Variants in RBFOX1 observed in about 807,000 individuals in gnomAD.
RBFOX1 encodes RNA binding fox-1 homolog 1.
RBFOX1 carries 8 observed loss-of-function variants against 57.7 expected under a neutral mutation model. The ratio of observed to expected loss-of-function variants is 0.14; its 90% CI spans 0.08 to 0.25. RBFOX1 has a LOEUF of 0.25. RBFOX1 is among the 10% of genes least tolerant of loss of function. RBFOX1 has a pLI of 1.00. For synonymous variants in RBFOX1, 326 were observed against 222.4 expected, an observed-to-expected ratio of 1.47 and a Z score of -4.15; for missense variants, 611 against 548.5, an observed-to-expected ratio of 1.11 and a Z score of -1.14.
chr16:6,295,983 G>C (rs6500770), intron 1 of RBFOX1, among the ~76,000 whole-genome samples: 92,985 of 152,034 alleles, frequency 0.61, 29,647 homozygotes, highest in East Asian at 0.81. Context: ...TAGAGGGCAG[G>C]AATGGAATAA....
chr16:7,603,641 A>T (rs917368526), intron 9 of RBFOX1, among the ~76,000 whole-genome samples: 3 of 152,152 alleles, frequency 2.0e-5, no homozygotes, highest in Non-Finnish European at 4.4e-5. Flanking sequence ...GGAGAAGTGG[A>T]TACAAAGAGA....
chr16:7,288,949 G>A (rs1355079083), intron 4 of RBFOX1, among the ~76,000 whole-genome samples: 1 of 152,216 alleles, frequency 6.6e-6, no homozygotes, highest in African/African-American at 2.4e-5. Context: ...CTGGTGAGAG[G>A]CAGGGGTTGG....
chr16:7,612,055 C>T (rs1222792235), intron 10 of RBFOX1, among the ~76,000 whole-genome samples: 1 of 152,028 alleles, frequency 6.6e-6, no homozygotes, highest in Non-Finnish European at 1.5e-5. Context: ...GGCGCGGTGG[C>T]TCACGCCTGT....
At chr16:6,570,836 T>C (rs922391949) in intron 2 of RBFOX1, among the ~76,000 whole-genome samples, 2 of 152,226 alleles carry the variant, frequency 1.3e-5, no homozygotes, top group Non-Finnish European at 2.9e-5. Flanking sequence ...CAATTAACTT[T>C]GAAATACCAT....
intron 2 of RBFOX1, among the ~76,000 whole-genome samples, chr16:6,409,406 C>A (rs1302058350): frequency 6.6e-6 from 1 of 152,124 alleles, no homozygotes; most frequent in African/African-American, 2.4e-5. Flanking sequence ...GGGAGCGAAA[C>A]CCGGTCTCAA....
At chr16:5,733,210 G>C (rs1176627930) in intron 3 of RBFOX1, among the ~76,000 whole-genome samples, 1 of 152,182 alleles carries the variant, frequency 6.6e-6, no homozygotes, top group East Asian at 1.9e-4. Flanking sequence ...GAATTAAAGA[G>C]ACTGGGGACT....
intron 3 of RBFOX1, among the ~76,000 whole-genome samples, chr16:6,870,129 C>T (rs17141595): frequency 0.034 from 5,169 of 152,120 alleles, 327 homozygotes; most frequent in African/African-American, 0.12. Context: ...GCATAAGGCT[C>T]TTGGACCACC....
chr16:7,158,623 G>T (rs1257016359), intron 4 of RBFOX1, among the ~76,000 whole-genome samples: 2 of 151,958 alleles, frequency 1.3e-5, no homozygotes, highest in African/African-American at 2.4e-5. Context: ...TGTATGATGT[G>T]TCTGCATGTG....
At chr16:5,620,675 T>G (rs1189846564) in intron 3 of RBFOX1, among the ~76,000 whole-genome samples, 3 of 150,680 alleles carry the variant, frequency 2.0e-5, no homozygotes, top group Non-Finnish European at 4.4e-5. Context: ...CTCATTTTAT[T>G]TACTCATTTA....
At chr16:5,714,807 T>C (rs1457144471) in intron 3 of RBFOX1, among the ~76,000 whole-genome samples, 1 of 152,236 alleles carries the variant, frequency 6.6e-6, no homozygotes, top group Non-Finnish European at 1.5e-5. Context: ...GAAACTATTA[T>C]CGTCACTGCG....
intron 4 of RBFOX1, among the ~76,000 whole-genome samples, chr16:7,500,858 G>A (rs991327893): frequency 9.8e-5 from 15 of 152,294 alleles, no homozygotes; most frequent in African/African-American, 1.7e-4. Flanking sequence ...AGAGGGACCC[G>A]GTGGGAGGTA....
At chr16:6,211,202 T>TTTG in intron 1 of RBFOX1, among the ~76,000 whole-genome samples, 1 of 151,406 alleles carries the variant, frequency 6.6e-6, no homozygotes, top group Middle Eastern at 3.4e-3. Context: ...TTTTTTTTTT[T>TTTG]TGGTTAGTGC....
At chr16:5,530,206 C>G (rs372665581) in intron 2 of RBFOX1, among the ~76,000 whole-genome samples, 1 of 152,144 alleles carries the variant, frequency 6.6e-6, no homozygotes, top group African/African-American at 2.4e-5. Context: ...CCCAGCAGTC[C>G]GAGGTACAGC....
At chr16:5,641,019 AC>A (rs1422995797) in intron 3 of RBFOX1, among the ~76,000 whole-genome samples, 23 of 151,460 alleles carry the variant, frequency 1.5e-4, no homozygotes, top group African/African-American at 5.4e-4. Context: ...ATACATGCAC[AC>A]CATGCATAAA....
intron 3 of RBFOX1, among the ~76,000 whole-genome samples, chr16:6,918,442 T>C (rs957007139): frequency 6.6e-6 from 1 of 152,196 alleles, no homozygotes; most frequent in East Asian, 1.9e-4. Context: ...GAAGACTTCA[T>C]ACATGCAGAG....
intron 4 of RBFOX1, among the ~76,000 whole-genome samples, chr16:7,504,410 T>C (rs182234073): frequency 6.6e-6 from 1 of 152,008 alleles, no homozygotes; most frequent in African/African-American, 2.4e-5. Context: ...GAACATGGTC[T>C]TGTGCCTTTT....
intron 3 of RBFOX1, among the ~76,000 whole-genome samples, chr16:6,757,413 G>A (rs547993483): frequency 2.0e-5 from 3 of 152,226 alleles, no homozygotes; most frequent in South Asian, 4.1e-4. Context: ...ATTAAGAGAC[G>A]ATTAGATTAA....
intron 3 of RBFOX1, among the ~76,000 whole-genome samples, chr16:5,620,624 C>A (rs1336174135): frequency 1.3e-5 from 2 of 152,076 alleles, no homozygotes; most frequent in Non-Finnish European, 2.9e-5. Flanking sequence ...TCACCTCTTC[C>A]CATAAGAACA....
intron 3 of RBFOX1, among the ~76,000 whole-genome samples, chr16:6,754,988 A>T (rs2075559280): frequency 6.6e-6 from 1 of 152,070 alleles, no homozygotes; most frequent in South Asian, 2.1e-4. Flanking sequence ...GTTTACTGAG[A>T]ATGATGATTT....
Sources: allele counts gnomAD v4.1 joint callset (sites outside exome capture counted in the v4.1 genomes callset), GRCh38; gene constraint gnomAD v4.1.1; transcripts MANE v1.5; gene names NCBI Gene and HGNC (gene_info 2026-07-23, HGNC 2026-07-21).